TMEM132B: variants seen among roughly 807,000 people sequenced by gnomAD.
TMEM132B encodes transmembrane protein 132B.
Under a neutral mutation model 90.8 loss-of-function variants are expected in TMEM132B, and 18 were observed. The ratio of observed to expected loss-of-function variants is 0.20; its 90% CI spans 0.14 to 0.29. The LOEUF (loss-of-function observed/expected upper bound fraction) is 0.29, where lower values mean the gene tolerates loss of function less well. Among genes scored for constraint, TMEM132B ranks in the 10% least tolerant of loss-of-function variants. The pLI is 1.00. For synonymous variants in TMEM132B, 504 were observed against 523.3 expected (o/e 0.96, Z 0.50); for missense variants, 1,096 against 1,326.8 (o/e 0.83, Z 2.70).
At chr12:125,279,459 A>G (rs1875097406) in intron 1 of TMEM132B, among the ~76,000 whole-genome samples, 2 of 152,230 alleles carry the variant, frequency 1.3e-5, no homozygotes, top group South Asian at 4.1e-4. Flanking sequence ...ATATGGGTAC[A>G]TGCTAGGCAG....
At chr12:125,187,719 G>A (rs1195640414) in intron 1 of TMEM132B, among the ~76,000 whole-genome samples, 1 of 152,174 alleles carries the variant, frequency 6.6e-6, no homozygotes, top group Non-Finnish European at 1.5e-5. Context: ...CCACCTTGGT[G>A]TGGCTACATG....
At chr12:125,344,327 T>C (rs765315263) in intron 1 of TMEM132B, among the ~76,000 whole-genome samples, 4 of 152,060 alleles carry the variant, frequency 2.6e-5, no homozygotes, top group Admixed American at 6.5e-5. Flanking sequence ...AGAAACCAAA[T>C]TGGGGATGAT....
Position 125,660,203 on chromosome 12 carries a change from C to G in TMEM132B, c.*5493C>G, listed in dbSNP as rs543754034. On this transcript the variant is annotated 3_prime_UTR_variant, in exon 9 of 9. Transcript: ENST00000682704. ...GGTGAAGGTTGTAGTGAGCCAAGAT[C>G]GTACCACTGCACTCTGGCCTGGGCA... 6.6e-6 allele frequency: 1 copy of G among 152,340 alleles called. No individual in the cohort carries two copies. Among genetic ancestry groups the G allele is most frequent in the East Asian group, 1.9e-4 (1 of 5,182 alleles). The allele number at this position is 152,340 out of a possible 1,614,324, so 9.4% of individuals were successfully genotyped here.
At chr12:125,556,187 C>G (rs928384062) in intron 4 of TMEM132B, among the ~76,000 whole-genome samples, 1 of 152,214 alleles carries the variant, frequency 6.6e-6, no homozygotes, top group Non-Finnish European at 1.5e-5. Flanking sequence ...CCTCAGTTAA[C>G]TGATTTTTCA....
chr12:125,456,649 T>C (rs1379906564), intron 3 of TMEM132B, among the ~76,000 whole-genome samples: 1 of 152,132 alleles, frequency 6.6e-6, no homozygotes, highest in African/African-American at 2.4e-5. Context: ...ACCTGGGCTG[T>C]TCCTACCTGG....
At chr12:125,497,748 C>G (rs1369732380) in intron 3 of TMEM132B, among the ~76,000 whole-genome samples, 1 of 152,166 alleles carries the variant, frequency 6.6e-6, no homozygotes, top group East Asian at 1.9e-4. Flanking sequence ...ATTGATCAAG[C>G]TAGGAGTTTG....
intron 1 of TMEM132B, among the ~76,000 whole-genome samples, chr12:125,224,819 A>G (rs1323287955): frequency 6.6e-6 from 1 of 152,250 alleles, no homozygotes; most frequent in African/African-American, 2.4e-5. Flanking sequence ...TGGTAAAACT[A>G]TGCCAACAGT....
At chr12:125,582,336 A>G (rs1311674019) in intron 4 of TMEM132B, among the ~76,000 whole-genome samples, 1 of 151,486 alleles carries the variant, frequency 6.6e-6, no homozygotes, top group African/African-American at 2.4e-5. Context: ...CTCTTACTCT[A>G]TTAAGCCTTC....
intron 3 of TMEM132B, among the ~76,000 whole-genome samples, chr12:125,501,477 C>T (rs933238626): frequency 6.6e-6 from 1 of 152,090 alleles, no homozygotes; most frequent in Non-Finnish European, 1.5e-5. Flanking sequence ...AACCCATCAC[C>T]TAGATATTAA....
At chr12:125,405,143 A>G (rs1879428985) in intron 2 of TMEM132B, among the ~76,000 whole-genome samples, 1 of 152,234 alleles carries the variant, frequency 6.6e-6, no homozygotes, top group South Asian at 2.1e-4. Context: ...ATTCTCTCAC[A>G]GTTCCAGGAG....
Position 125,456,041 on chromosome 12 carries a change from T to G in TMEM132B, c.1106+40364T>G, listed in dbSNP as rs574900166. On this transcript the variant is annotated intron_variant, in intron 3 of 8. Transcript: ENST00000682704. Reference sequence around the variant, plus strand: ...AGCAGTAAATGAATGAGCGTGGCTGTGTTTAATAACATTTTAGTTACAAAA... The same window carrying G: ...AGCAGTAAATGAATGAGCGTGGCTGGGTTTAATAACATTTTAGTTACAAAA... Among the ~76,000 whole-genome samples the G allele has an allele frequency of 1.2e-4, 19 of 152,354 alleles. 1 individual carries two copies. In the East Asian group the frequency reaches 3.7e-3, roughly 29 times the overall value.
At chr12:125,398,112 A>G (rs977065927) in intron 2 of TMEM132B, among the ~76,000 whole-genome samples, 1 of 152,068 alleles carries the variant, frequency 6.6e-6, no homozygotes, top group Admixed American at 6.6e-5. Flanking sequence ...CTAGAGAGGG[A>G]CTGAAAAATC....
At chr12:125,583,537 A>C (rs1490542816) in intron 4 of TMEM132B, among the ~76,000 whole-genome samples, 1 of 152,144 alleles carries the variant, frequency 6.6e-6, no homozygotes, top group Non-Finnish European at 1.5e-5. Context: ...CTCGTGTGCT[A>C]TGTGTGAGTC....
rs1886210819 is a variant in TMEM132B at position 125,625,396 on chromosome 12, G to C, written c.1438-18680G>C. Among the ~76,000 whole-genome samples, 6 of 152,240 alleles carry C rather than the reference G, an allele frequency of 3.9e-5. No homozygotes were observed. In the South Asian group the frequency reaches 1.0e-3, roughly 26 times the overall value. ...GATCCGCCCACCTCGGCCTCCCAAAGTGCTGGGATTACAGGCGTGAGCCAC... is the reference window on the plus strand; with the variant it reads ...GATCCGCCCACCTCGGCCTCCCAAACTGCTGGGATTACAGGCGTGAGCCAC... On this transcript the variant is annotated intron_variant, in intron 5 of 8. Coordinates refer to ENST00000682704, the MANE Select transcript of TMEM132B (RefSeq NM_001366854.1).
At chr12:125,596,203 G>A (rs981306785) in intron 5 of TMEM132B, among the ~76,000 whole-genome samples, 3 of 152,142 alleles carry the variant, frequency 2.0e-5, no homozygotes, top group South Asian at 2.1e-4. Flanking sequence ...ATCACTAAAC[G>A]GATATGGACT....
rs909994678 is a variant in TMEM132B, at chr12:125,460,476, A to T, written c.1106+44799A>T. ...CATTGCACTCCAGCCTGGGTGACAG[A>T]GCAAGACTCCATCTCAAAAAAATAA... On this transcript the variant is annotated intron_variant, in intron 3 of 8. Transcript: ENST00000682704. This position sits in a 1 kb window ranked among gnomAD's most constrained non-coding sequence, Gnocchi z 4.4. 6.6e-6 allele frequency among the ~76,000 whole-genome samples: 1 copy of T among 152,202 alleles called. No individual in the cohort carries two copies. The highest frequency in any genetic ancestry group is 6.5e-5 in the Admixed American group (1 of 15,278).
intron 4 of TMEM132B, among the ~76,000 whole-genome samples, chr12:125,569,178 T>C (rs1236913780): frequency 6.6e-6 from 1 of 152,136 alleles, no homozygotes; most frequent in Non-Finnish European, 1.5e-5. Context: ...ATTTGTGTTA[T>C]GCCCCAGCTC....
At chr12:125,640,995 T>G (rs1426535995) in intron 5 of TMEM132B, among the ~76,000 whole-genome samples, 1 of 151,794 alleles carries the variant, frequency 6.6e-6, no homozygotes, top group Non-Finnish European at 1.5e-5. Flanking sequence ...AAAAGAAATA[T>G]TGAAGTTTGG....
At chr12:125,574,614 A>G (rs1017739104) in intron 4 of TMEM132B, among the ~76,000 whole-genome samples, 3 of 152,138 alleles carry the variant, frequency 2.0e-5, no homozygotes, top group South Asian at 4.2e-4. Context: ...GAGACTGTCA[A>G]TATTTAGGGC....
Sources: allele counts gnomAD v4.1 joint callset (sites outside exome capture counted in the v4.1 genomes callset), GRCh38; gene constraint gnomAD v4.1.1; non-coding constraint Gnocchi (gnomAD v3.1); transcripts MANE v1.5; gene names NCBI Gene and HGNC (gene_info 2026-07-23, HGNC 2026-07-21).